The following PDCD6IP variants were observed in gnomAD, a reference collection of about 807,000 sequenced individuals.
The protein encoded by PDCD6IP is programmed cell death 6 interacting protein.
Under a neutral mutation model 103.7 loss-of-function variants are expected in PDCD6IP, and 43 were observed. The observed-to-expected ratio is 0.41, with a 90% CI of 0.32 to 0.53. PDCD6IP has a LOEUF of 0.53. Among genes scored for constraint, PDCD6IP ranks in the 20% least tolerant of loss-of-function variants. PDCD6IP has a pLI of 0.16. For synonymous variants in PDCD6IP, 354 were observed against 378.7 expected (o/e 0.93, Z 0.76); for missense variants, 871 against 1,036.7 (o/e 0.84, Z 2.20).
At chr3:33,825,439 C>T in intron 5 of PDCD6IP, 99 bp downstream of exon 5, 2 of 1,020,712 alleles carry the variant, frequency 2.0e-6, no homozygotes, top group Non-Finnish European at 1.4e-6. Flanking sequence ...GTCGAGCTGT[C>T]CTTCTTGAAC....
At chr3:33,815,795 G>A (rs1352592443) in intron 3 of PDCD6IP, among the ~76,000 whole-genome samples, 1 of 152,150 alleles carries the variant, frequency 6.6e-6, no homozygotes, top group Non-Finnish European at 1.5e-5. Flanking sequence ...TTATGTCTGG[G>A]TAGACATTTC....
chr3:33,841,043 C>T (rs552617086), intron 9 of PDCD6IP, among the ~76,000 whole-genome samples: 2 of 147,868 alleles, frequency 1.4e-5, no homozygotes. Flanking sequence ...TTTTTTTTCC[C>T]CCGAGACGGA....
chr3:33,802,320 A>G (rs1262778769), intron 1 of PDCD6IP, among the ~76,000 whole-genome samples: 1 of 152,116 alleles, frequency 6.6e-6, no homozygotes, highest in Non-Finnish European at 1.5e-5. Context: ...ATGCTAGGAA[A>G]AGGAATTTTC....
chr3:33,810,606 A>G (rs1051446701), intron 1 of PDCD6IP, among the ~76,000 whole-genome samples: 3 of 152,174 alleles, frequency 2.0e-5, no homozygotes, highest in Admixed American at 6.5e-5. Flanking sequence ...ATAGTTACAC[A>G]TTTATACTTG....
intron 1 of PDCD6IP, among the ~76,000 whole-genome samples, chr3:33,806,997 A>G (rs560249159): frequency 6.6e-6 from 1 of 152,150 alleles, no homozygotes; most frequent in Admixed American, 6.5e-5. Context: ...TTTTATTTCA[A>G]CTTCTATAAT....
At chr3:33,849,141 A>G (rs1398725730) in intron 12 of PDCD6IP, among the ~76,000 whole-genome samples, 1 of 152,248 alleles carries the variant, frequency 6.6e-6, no homozygotes, top group African/African-American at 2.4e-5. Context: ...AAGACAAAGT[A>G]TTGACAACCT....
intron 1 of PDCD6IP, chr3:33,811,044 C>A: frequency 2.4e-6 from 1 of 413,912 alleles, no homozygotes. Flanking sequence ...CGCCACCATG[C>A]CTGGCTAATG....
chr3:33,799,741 G>C (rs1268038963), intron 1 of PDCD6IP, among the ~76,000 whole-genome samples: 1 of 152,154 alleles, frequency 6.6e-6, no homozygotes, highest in Non-Finnish European at 1.5e-5. Context: ...TCTCCGTATA[G>C]TATATTCTAC....
At position 33,842,015 on chromosome 3, in the gene PDCD6IP, G is replaced by C. The variant is rs1192525385; in HGVS notation, c.1300G>C (p.Asp434His). 1 of 1,612,050 alleles carries C rather than the reference G, an allele frequency of 6.2e-7. No homozygotes were observed. The highest frequency in any genetic ancestry group is 2.2e-5 in the East Asian group (1 of 44,844). Residue 434 changes from aspartate to histidine, a missense_variant, in exon 10 of 18, where the codon GAT (aspartate) becomes CAT (histidine). By Grantham distance (81) the Asp-to-His change is moderately conservative. Coordinates refer to ENST00000307296, the MANE Select transcript of PDCD6IP (RefSeq NM_013374.6). Reference sequence around the variant, plus strand: ...TGAACAGGGAGGCATCCAGACTGTTGATCAGTTGATTAAAGAACTGCCTGA... The same window carrying C: ...TGAACAGGGAGGCATCCAGACTGTTCATCAGTTGATTAAAGAACTGCCTGA... ...VIEQGGIQTVDQLIKELPELL... is the reference protein window; with the variant it reads ...VIEQGGIQTVHQLIKELPELL...
rs138478364 is a variant in PDCD6IP at position 33,856,183 on chromosome 3, C to T, written c.2120+923C>T. On this transcript the variant is annotated intron_variant, in intron 15 of 17. Coordinates refer to ENST00000307296, the MANE Select transcript of PDCD6IP (RefSeq NM_013374.6). ...ACAGTTTCATCCTGAAATCATCTTC[C>T]GCTCCCCTGTGGAAAAATTGTCTTC... Among the ~76,000 whole-genome samples the T allele has an allele frequency of 2.1e-3, 317 of 152,288 alleles. 3 individuals are homozygous for T. Among genetic ancestry groups the T allele is most frequent in the African/African-American group, 7.0e-3 (291 of 41,554 alleles).
chr3:33,866,169 A>G (rs1698059500), intron 17 of PDCD6IP, among the ~76,000 whole-genome samples, 182 bp from the exon 18 acceptor site: 1 of 152,168 alleles, frequency 6.6e-6, no homozygotes, highest in Non-Finnish European at 1.5e-5. Context: ...GTTTTAATTA[A>G]TAACAGGATA....
chr3:33,810,198 T>G (rs1003911525), intron 1 of PDCD6IP, among the ~76,000 whole-genome samples: 4 of 152,196 alleles, frequency 2.6e-5, no homozygotes, highest in African/African-American at 7.2e-5. Flanking sequence ...TTTTTCTAAT[T>G]TCATCTAGAC....
intron 1 of PDCD6IP, 109 bp from the exon 2 acceptor site, chr3:33,811,963 T>C: frequency 7.3e-7 from 1 of 1,368,704 alleles, no homozygotes; most frequent in Non-Finnish European, 9.6e-7. Context: ...ATAAAATAGC[T>C]GCTCAAAGTA....
chr3:33,809,019 C>T (rs1475318373), intron 1 of PDCD6IP, among the ~76,000 whole-genome samples: 3 of 152,146 alleles, frequency 2.0e-5, no homozygotes, highest in Non-Finnish European at 2.9e-5. Context: ...TCACCTTTTT[C>T]ATGCCTTTTA....
At chr3:33,805,212 C>G (rs1278268748) in intron 1 of PDCD6IP, among the ~76,000 whole-genome samples, 1 of 151,634 alleles carries the variant, frequency 6.6e-6, no homozygotes. Flanking sequence ...AAAAGTTAGC[C>G]GGTCATGGTG....
chr3:33,805,079 G>A (rs566452369), intron 1 of PDCD6IP, among the ~76,000 whole-genome samples: 25 of 152,182 alleles, frequency 1.6e-4, no homozygotes, highest in Middle Eastern at 3.4e-3. Context: ...TTTTCCGGCC[G>A]GGTGTGGTGG....
intron 1 of PDCD6IP, 22 bp downstream of exon 1, chr3:33,798,959 G>C (rs545929480): frequency 6.6e-7 from 1 of 1,504,738 alleles, no homozygotes; most frequent in South Asian, 1.2e-5. Context: ...GCTGGGAGTG[G>C]GTAGGTTGTC....
chr3:33,808,692 G>A (rs1559771729), intron 1 of PDCD6IP, among the ~76,000 whole-genome samples: 1 of 152,090 alleles, frequency 6.6e-6, no homozygotes, highest in South Asian at 2.1e-4. Context: ...ACTTCTGCTC[G>A]TGCACACCTG....
chr3:33,813,837 A>G (rs1696770380), intron 3 of PDCD6IP, among the ~76,000 whole-genome samples: 1 of 152,224 alleles, frequency 6.6e-6, no homozygotes, highest in East Asian at 1.9e-4. Flanking sequence ...ATAAAAATGA[A>G]TAAAACCGAT....
Sources: allele counts gnomAD v4.1 joint callset (sites outside exome capture counted in the v4.1 genomes callset), GRCh38; gene constraint gnomAD v4.1.1; transcripts MANE v1.5; gene names NCBI Gene and HGNC (gene_info 2026-07-23, HGNC 2026-07-21).